Variants in TAPBPL observed in about 807,000 individuals in gnomAD.
TAPBPL encodes TAP binding protein like, also known as tapasin-related protein.
Under a neutral mutation model 44.8 loss-of-function variants are expected in TAPBPL, and 32 were observed. The ratio of observed to expected loss-of-function variants is 0.71; its 90% CI spans 0.54 to 0.96. The LOEUF (loss-of-function observed/expected upper bound fraction) is 0.96, where lower values mean the gene tolerates loss of function less well. Among genes scored for constraint, TAPBPL ranks in the 40% least tolerant of loss-of-function variants. The pLI, the probability that TAPBPL is intolerant of heterozygous loss-of-function variation, is 0.00. For missense variants in TAPBPL, 520 were observed against 586.6 expected, an observed-to-expected ratio of 0.89 and a Z score of 1.17; for synonymous variants, 230 against 240.7, an observed-to-expected ratio of 0.96 and a Z score of 0.41.
At position 6,453,143 on chromosome 12, in the gene TAPBPL, C is replaced by T. The variant is rs777184154; in HGVS notation, c.141C>T (p.His47=). The change falls in exon 2 of 7, where the codon CAC becomes CAT. Residue 47 remains histidine (H), a synonymous_variant. Transcript: ENST00000266556. This position sits in a 1 kb window ranked among gnomAD's most constrained non-coding sequence, Gnocchi z 4.8. ...LDCFLAKDGA[H]RGALASSEDR... ...GCTTCCTGGCGAAGGACGGTGCGCA[C>T]CGTGGAGCTCTCGCCAGCAGTGAGG... is the stretch of plus-strand genomic sequence containing the variant. The T allele has an allele frequency of 1.9e-6, 3 of 1,599,340 alleles. No homozygotes were observed. In the South Asian group the frequency reaches 3.4e-5, roughly 18 times the overall value.
intron 4 of TAPBPL, 53 bp downstream of exon 4, chr12:6,457,797 G>A: frequency 6.8e-7 from 1 of 1,472,160 alleles, no homozygotes; most frequent in African/African-American, 1.4e-5. Flanking sequence ...TGTCTACTGG[G>A]AGCGTTTCCA....
downstream of TAPBPL, chr12:6,465,887 G>C: frequency 6.2e-7 from 1 of 1,614,216 alleles, no homozygotes; most frequent in Non-Finnish European, 8.5e-7. Context: ...TGGCAGCACT[G>C]CTCTCAAATT....
At chr12:6,464,097 G>A (rs1439147729), downstream of TAPBPL, 1 of 1,313,582 alleles carries the variant, frequency 7.6e-7, no homozygotes, top group Non-Finnish European at 1.0e-6. Flanking sequence ...GTCACCATGG[G>A]CACCGATACT....
intron 5 of TAPBPL, 132 bp downstream of exon 5, chr12:6,459,079 C>A: frequency 9.5e-7 from 1 of 1,055,512 alleles, no homozygotes. Context: ...CCTGCCTCTG[C>A]TCCTGACTAT....
At chr12:6,466,483 G>A, downstream of TAPBPL, 3 of 913,910 alleles carry the variant, frequency 3.3e-6, no homozygotes, top group Non-Finnish European at 4.8e-6. Flanking sequence ...AGGAGTTCGA[G>A]GCCAGCCTGG....
At chr12:6,457,157 G>A (rs1949722928) in intron 3 of TAPBPL, among the ~76,000 whole-genome samples, 1 of 152,164 alleles carries the variant, frequency 6.6e-6, no homozygotes, top group South Asian at 2.1e-4. Flanking sequence ...TTTTCCTGGT[G>A]GGAGATCCAT....
In TAPBPL at chr12:6,458,948, G is replaced by A. The variant is rs1235635004; in HGVS notation, c.1207+1G>A. 3 of 1,611,694 alleles carry A rather than the reference G, an allele frequency of 1.9e-6. No individual in the cohort carries two copies. The highest frequency in any genetic ancestry group is 2.5e-6 in the Non-Finnish European group (3 of 1,178,292). ...GCCAGCACCCAGGTTGTCCCACCAG[G>A]TACTGGGAGTGTCCTCCTTTTCCCC... On this transcript the variant is annotated splice_donor_variant, in intron 5 of 6. Transcript: ENST00000266556. LOFTEE classifies it high-confidence loss of function.
intron 6 of TAPBPL, chr12:6,461,213 G>A (rs1211690016): frequency 2.4e-6 from 3 of 1,276,334 alleles, no homozygotes; most frequent in Non-Finnish European, 3.0e-6. Flanking sequence ...TCAAGTCACA[G>A]AGCTAAAAAT....
Position 6,457,537 on chromosome 12 carries a change from G to A in TAPBPL, c.697G>A (p.Gly233Ser). The A allele has an allele frequency of 6.2e-7, 1 of 1,614,234 alleles. No homozygotes were observed. The highest frequency in any genetic ancestry group is 8.5e-7 in the Non-Finnish European group (1 of 1,180,044). ...TGTGGAGTGGCGACTGCAGCACAAG[G>A]GCAGGGGTCAGTTGGTGTACAGCTG... ...ISVEWRLQHK[G>S]RGQLVYSWTA... is the part of the protein sequence containing the mutation. Residue 233 changes from glycine to serine, a missense_variant, in exon 4 of 7, where the codon GGC becomes AGC. Gly to Ser is a moderately conservative substitution (Grantham distance 56). Coordinates refer to ENST00000266556, the MANE Select transcript of TAPBPL (RefSeq NM_018009.5).
At chr12:6,461,156 C>CA (rs1409670945) in intron 6 of TAPBPL, 33 of 1,377,218 alleles carry the variant, frequency 2.4e-5, no homozygotes, top group Middle Eastern at 2.7e-4. Context: ...TCTCCTGCCT[C>CA]AGAGTAGAAA....
downstream of TAPBPL, chr12:6,465,039 CAA>C: frequency 6.4e-7 from 1 of 1,560,772 alleles, no homozygotes; most frequent in Non-Finnish European, 8.7e-7. Flanking sequence ...ATCCTTGGGA[CAA>C]TGGAAAAAAC....
At position 6,453,636 on chromosome 12, in the gene TAPBPL, C is replaced by T; in HGVS notation, c.485C>T (p.Pro162Leu). 2 of 1,614,016 alleles carry T rather than the reference C, an allele frequency of 1.2e-6. No individual in the cohort carries two copies. Among genetic ancestry groups the T allele is most frequent in the Non-Finnish European group, 1.7e-6 (2 of 1,179,978 alleles). ...AGCATCTCCTTGGTGATGAAGACTC[C>T]CAGGGTCACCAAGAATGAGGCGCTC... Reference protein sequence around the residue: ...GPSISLVMKTPRVTKNEALWH... With the variant: ...GPSISLVMKTLRVTKNEALWH... The change falls in exon 3 of 7, where the codon CCC becomes CTC. Residue 162 changes from proline (P) to leucine (L), a missense_variant. Transcript: ENST00000266556. The surrounding 1 kb of genome is among the most constrained non-coding windows in gnomAD (Gnocchi z 4.8).
chr12:6,465,173 C>A, downstream of TAPBPL: 1 of 558,692 alleles, frequency 1.8e-6, no homozygotes. Context: ...GCATTGAGCT[C>A]CTTTTTGCTT....
chr12:6,464,275 A>G, downstream of TAPBPL: 1 of 1,538,324 alleles, frequency 6.5e-7, no homozygotes. Flanking sequence ...AATGACTTAG[A>G]TTGTGCCACG....
At position 6,457,601 on chromosome 12, in the gene TAPBPL, C is replaced by G; in HGVS notation, c.761C>G (p.Thr254Ser). Residue 254 changes from threonine (T) to serine (S), a missense_variant, in exon 4 of 7, where the codon ACC becomes AGC. Transcript: ENST00000266556. The stretch of plus-strand genomic sequence containing the variant: ...GGGCAGGCTGTGCGGAAGGGCGCTA[C>G]CCTGGAGCCTGCACAACTGGGCATG... ...GQGQAVRKGA[T>S]LEPAQLGMAR... 1 of 1,614,222 alleles carries G rather than the reference C, an allele frequency of 6.2e-7. No individual in the cohort carries two copies. Among genetic ancestry groups the G allele is most frequent in the Non-Finnish European group, 8.5e-7 (1 of 1,180,040 alleles).
chr12:6,456,112 C>T (rs1949695352), intron 3 of TAPBPL, among the ~76,000 whole-genome samples: 1 of 144,990 alleles, frequency 6.9e-6, no homozygotes, highest in Admixed American at 7.1e-5. Flanking sequence ...CAAATTTCTC[C>T]ACTTGTCCCA....
chr12:6,452,339 G>C, intron 1 of TAPBPL, 27 bp downstream of exon 1: 1 of 1,562,818 alleles, frequency 6.4e-7, no homozygotes, highest in East Asian at 2.3e-5. Flanking sequence ...GGGAGAGCTG[G>C]CTGGGAGAAG....
intron 5 of TAPBPL, among the ~76,000 whole-genome samples, chr12:6,459,641 C>G (rs1288453197): frequency 1.3e-5 from 2 of 152,278 alleles, no homozygotes; most frequent in African/African-American, 2.4e-5. Context: ...CCGGATTCCC[C>G]TTACGGGCTT....
chr12:6,466,509 C>G (rs1461574915), downstream of TAPBPL: 3 of 658,992 alleles, frequency 4.6e-6, no homozygotes, highest in East Asian at 9.2e-5. Flanking sequence ...ATAGCGAGAC[C>G]CCATCTCTAA....
Sources: allele counts gnomAD v4.1 joint callset (sites outside exome capture counted in the v4.1 genomes callset), GRCh38; gene constraint gnomAD v4.1.1; non-coding constraint Gnocchi (gnomAD v3.1); transcripts MANE v1.5; gene names NCBI Gene and HGNC (gene_info 2026-07-23, HGNC 2026-07-21).